BMAL1: variants seen among roughly 807,000 people sequenced by gnomAD.
BMAL1 encodes the protein basic helix-loop-helix ARNT like 1.
At chr11:13,340,502 C>T in the BMAL1 span, among the ~76,000 whole-genome samples, 20 of 152,176 alleles carry the variant, frequency 1.3e-4, no homozygotes, top group Admixed American at 2.6e-4. Flanking sequence ...TAAAACAAAG[C>T]GGTTGGACTC....
At chr11:13,281,464 T>C in the BMAL1 span, among the ~76,000 whole-genome samples, 721 of 152,356 alleles carry the variant, frequency 4.7e-3, 6 homozygotes, top group Non-Finnish European at 8.4e-3. Context: ...CGTGAGTTCC[T>C]GGGGCCCATC....
the BMAL1 span, among the ~76,000 whole-genome samples, chr11:13,325,657 T>TTGTGTTTGTGTGTGTGTG: frequency 2.0e-3 from 266 of 134,412 alleles, 3 homozygotes; most frequent in African/African-American, 7.4e-3. Context: ...TTGAGACCTT[T>TTGTGTTTGTGTGTGTGTG]TGTGTGTGTG....
chr11:13,343,094 G>T, the BMAL1 span, among the ~76,000 whole-genome samples: 1 of 152,154 alleles, frequency 6.6e-6, no homozygotes, highest in Non-Finnish European at 1.5e-5. Flanking sequence ...TACAGGTCAG[G>T]TCAGGAGACC....
the BMAL1 span, among the ~76,000 whole-genome samples, chr11:13,325,516 C>A: frequency 1.3e-5 from 2 of 151,514 alleles, no homozygotes; most frequent in Non-Finnish European, 2.9e-5. Flanking sequence ...TTACAGATAA[C>A]TGGGGTTCCA....
At chr11:13,358,605 C>T in the BMAL1 span, 1 of 1,567,158 alleles carries the variant, frequency 6.4e-7, no homozygotes, top group Non-Finnish European at 8.6e-7. Flanking sequence ...AGACCCTGGG[C>T]TCTATTGTCC....
At chr11:13,365,445 T>G in the BMAL1 span, 1 of 1,485,698 alleles carries the variant, frequency 6.7e-7, no homozygotes, top group Non-Finnish European at 9.4e-7. Context: ...TCAGGGTGAT[T>G]ACAAATTATG....
At chr11:13,319,038 A>T in the BMAL1 span, among the ~76,000 whole-genome samples, 3,243 of 151,976 alleles carry the variant, frequency 0.021, 34 homozygotes, top group Middle Eastern at 0.071. Context: ...CTCCACCCCT[A>T]CCCTTTGCCC....
At chr11:13,299,235 G>A in the BMAL1 span, among the ~76,000 whole-genome samples, 3 of 152,176 alleles carry the variant, frequency 2.0e-5, no homozygotes, top group Non-Finnish European at 4.4e-5. Context: ...ACAGCATCTG[G>A]GTGACCTGAT....
the BMAL1 span, among the ~76,000 whole-genome samples, chr11:13,357,369 C>T: frequency 1.3e-5 from 2 of 152,234 alleles, no homozygotes; most frequent in Non-Finnish European, 2.9e-5. The surrounding 1 kb of genome is among the most constrained non-coding windows in gnomAD (Gnocchi z 4.8). Context: ...AGTTTTTCCC[C>T]AGTCTTCAGC....
the BMAL1 span, among the ~76,000 whole-genome samples, chr11:13,285,832 C>A: frequency 1.3e-5 from 2 of 152,058 alleles, no homozygotes; most frequent in Non-Finnish European, 2.9e-5. Flanking sequence ...ATTTATCATA[C>A]CCTGCTTAGA....
At chr11:13,299,730 G>A in the BMAL1 span, among the ~76,000 whole-genome samples, 4 of 152,206 alleles carry the variant, frequency 2.6e-5, no homozygotes, top group Non-Finnish European at 4.4e-5. Flanking sequence ...GGGTGGCAGA[G>A]TTTCAACTGA....
the BMAL1 span, chr11:13,376,860 G>A: frequency 2.6e-6 from 2 of 778,022 alleles, no homozygotes; most frequent in South Asian, 1.8e-5. Context: ...AGGGGATGAT[G>A]TGCGGATTTC....
chr11:13,366,774 A>G, the BMAL1 span: 1 of 1,613,830 alleles, frequency 6.2e-7, no homozygotes, highest in African/African-American at 1.3e-5. Context: ...CGGCTCATAG[A>G]TGCAAAAAGT....
At chr11:13,289,629 G>A in the BMAL1 span, among the ~76,000 whole-genome samples, 3 of 152,144 alleles carry the variant, frequency 2.0e-5, no homozygotes, top group Admixed American at 6.5e-5. Flanking sequence ...GAGAACATGC[G>A]GTGTTTGGTT....
chr11:13,321,369 A>G, the BMAL1 span, among the ~76,000 whole-genome samples: 3 of 152,172 alleles, frequency 2.0e-5, no homozygotes, highest in African/African-American at 4.8e-5. Context: ...TAGTCCCCAG[A>G]ATGTCAGAGC....
chr11:13,362,086 C>T, the BMAL1 span, among the ~76,000 whole-genome samples: 2 of 152,164 alleles, frequency 1.3e-5, no homozygotes. Flanking sequence ...GAATTGGCTT[C>T]CCCAACAGTG....
chr11:13,336,490 G>C, the BMAL1 span, among the ~76,000 whole-genome samples: 1 of 152,102 alleles, frequency 6.6e-6, no homozygotes, highest in African/African-American at 2.4e-5. Flanking sequence ...CTTCTCGTGG[G>C]GGCAACTTGT....
At chr11:13,353,308 A>G in the BMAL1 span, 2 of 156,976 alleles carry the variant, frequency 1.3e-5, no homozygotes, top group Non-Finnish European at 2.9e-5. Flanking sequence ...TTCCTCCCTC[A>G]CCACTCCATG....
the BMAL1 span, among the ~76,000 whole-genome samples, chr11:13,320,179 T>A: frequency 6.6e-6 from 1 of 152,232 alleles, no homozygotes; most frequent in African/African-American, 2.4e-5. Context: ...TCTCAAGGCT[T>A]CTTCTTAGAA....
Sources: allele counts gnomAD v4.1 joint callset (sites outside exome capture counted in the v4.1 genomes callset), GRCh38; gene constraint gnomAD v4.1.1; non-coding constraint Gnocchi (gnomAD v3.1); transcripts MANE v1.5; gene names NCBI Gene and HGNC (gene_info 2026-07-23, HGNC 2026-07-21).